The following SLC9B1 variants were observed in gnomAD, a reference collection of about 807,000 sequenced individuals.
SLC9B1 encodes the protein sodium/hydrogen exchanger 9B1.
SLC9B1 carries 32 observed loss-of-function variants against 51.7 expected under a neutral mutation model. The observed-to-expected ratio is 0.62, with a 90% CI of 0.47 to 0.83. SLC9B1 has a LOEUF of 0.83. SLC9B1 is among the 40% of genes least tolerant of loss of function. SLC9B1 has a pLI of 0.00. For synonymous variants in SLC9B1, 145 were observed against 212.7 expected (o/e 0.68, Z 2.77); for missense variants, 406 against 613.2 (o/e 0.66, Z 3.57).
At chr4:103,019,468 G>T in intron 1 of SLC9B1, 131 bp downstream of exon 1, 1 of 517,002 alleles carries the variant, frequency 1.9e-6, no homozygotes, top group Non-Finnish European at 2.5e-6. Context: ...TGGGAGAAGA[G>T]CCCAAGAATC....
At chr4:102,885,890 C>G (rs1203152841) in intron 11 of SLC9B1, among the ~76,000 whole-genome samples, 1 of 152,076 alleles carries the variant, frequency 6.6e-6, no homozygotes, top group Admixed American at 6.5e-5. Flanking sequence ...ATGTAAACTG[C>G]TTTAATAATA....
At chr4:102,938,210 G>GGTAA (rs1412851277) in intron 6 of SLC9B1, among the ~76,000 whole-genome samples, 1 of 152,122 alleles carries the variant, frequency 6.6e-6, no homozygotes, top group Non-Finnish European at 1.5e-5. Context: ...AACAAAAAAG[G>GGTAA]GTAAGCATTG....
Position 102,985,991 on chromosome 4 carries a change from ATTG to A in SLC9B1, c.211+3806_211+3808del, listed in dbSNP as rs1350297820. ...TTATTGCTATTATTAATTTGAACAA[ATTG>A]TTATCTATTAGATAAATTAAGAATT... On this transcript the variant is annotated intron_variant, in intron 3 of 11. Coordinates refer to ENST00000296422, the MANE Select transcript of SLC9B1 (RefSeq NM_139173.4). 4.4e-4 allele frequency among the ~76,000 whole-genome samples: 67 copies of A among 152,158 alleles called. 1 individual carries two copies. The highest frequency in any genetic ancestry group is 4.4e-3 in the Admixed American group (67 of 15,268).
At chr4:102,931,292 GA>G (rs922777178) in intron 7 of SLC9B1, among the ~76,000 whole-genome samples, 148 of 151,522 alleles carry the variant, frequency 9.8e-4, no homozygotes, top group Non-Finnish European at 1.0e-3. Context: ...GACAGAGAGA[GA>G]GGGGGAAGGG....
At chr4:102,920,910 G>A (rs1421442508) in intron 7 of SLC9B1, among the ~76,000 whole-genome samples, 1 of 152,236 alleles carries the variant, frequency 6.6e-6, no homozygotes. Context: ...ATGGGACTAT[G>A]TGAAAAGACC....
intron 3 of SLC9B1, among the ~76,000 whole-genome samples, chr4:102,985,253 CA>C (rs1481795316): frequency 6.6e-6 from 1 of 152,162 alleles, no homozygotes; most frequent in Admixed American, 6.6e-5. Flanking sequence ...CCCACTCTAG[CA>C]ATCTCTGTAT....
chr4:103,006,564 T>C (rs940782326), intron 1 of SLC9B1, among the ~76,000 whole-genome samples: 5 of 152,098 alleles, frequency 3.3e-5, no homozygotes, highest in African/African-American at 9.7e-5. Flanking sequence ...CTGCCAGATA[T>C]ATAACGAAGA....
chr4:102,905,108 C>T (rs1445477228), intron 11 of SLC9B1, among the ~76,000 whole-genome samples: 1 of 152,026 alleles, frequency 6.6e-6, no homozygotes, highest in Non-Finnish European at 1.5e-5. Flanking sequence ...GAGCTGTGAT[C>T]ATGCGACTGC....
At chr4:102,975,295 C>G (rs957234727) in intron 3 of SLC9B1, among the ~76,000 whole-genome samples, 5 of 152,024 alleles carry the variant, frequency 3.3e-5, no homozygotes, top group African/African-American at 1.2e-4. Flanking sequence ...AGGCATCAGC[C>G]ACGGCACCTG....
At chr4:102,974,246 A>AAAAAT in intron 3 of SLC9B1, among the ~76,000 whole-genome samples, 7 of 139,270 alleles carry the variant, frequency 5.0e-5, no homozygotes, top group Non-Finnish European at 7.5e-5. Flanking sequence ...AAAATTGAAA[A>AAAAAT]AAAAAAAAAA....
intron 6 of SLC9B1, among the ~76,000 whole-genome samples, chr4:102,944,021 C>T (rs1442145216): frequency 1.3e-5 from 2 of 152,090 alleles, no homozygotes; most frequent in Non-Finnish European, 2.9e-5. Context: ...AAATGTGGCA[C>T]ATATACACCA....
At chr4:102,930,570 A>G (rs1298749171) in intron 7 of SLC9B1, among the ~76,000 whole-genome samples, 1 of 152,016 alleles carries the variant, frequency 6.6e-6, no homozygotes, top group Non-Finnish European at 1.5e-5. Flanking sequence ...ATGCCTGGCT[A>G]AGTTTTGTAT....
intron 1 of SLC9B1, among the ~76,000 whole-genome samples, chr4:103,004,814 G>T (rs1006837292): frequency 2.0e-5 from 3 of 152,122 alleles, no homozygotes; most frequent in Admixed American, 6.5e-5. Context: ...TTTCAACCAA[G>T]AATTTCTTAT....
In SLC9B1 at chr4:102,989,849, T is replaced by G. The variant is rs1004020744; in HGVS notation, c.162A>C (p.Thr54=). The G allele has an allele frequency of 5.0e-6, 8 of 1,602,574 alleles. No individual in the cohort carries two copies. In the African/African-American group the frequency reaches 9.4e-5, roughly 19 times the overall value. ...CTCCTCTTAGAGGACAAGAAATGTA[T>G]GTCTCCTTTTTTGTCTGTGGTTTTA... ...EEIKPQTKKE[T]YISCPLRGVL... Residue 54 remains threonine (T), a synonymous_variant, in exon 3 of 12, where the codon ACA becomes ACC. Coordinates refer to ENST00000296422, the MANE Select transcript of SLC9B1 (RefSeq NM_139173.4).
Position 102,910,453 on chromosome 4 carries a change from A to G in SLC9B1, c.1072T>C (p.Trp358Arg), listed in dbSNP as rs1578338333. Residue 358 changes from tryptophan (W) to arginine (R), a missense_variant, in exon 9 of 12, where the codon TGG (tryptophan) becomes CGG (arginine). Coordinates refer to ENST00000296422, the MANE Select transcript of SLC9B1 (RefSeq NM_139173.4). ...LVLSFIAGTK[W>R]SQEKMKVQKI... ...AAAATATTCACCTTTTCTTGGGACC[A>G]TTTTGTCCCTGCAATGAAACTCAAC... 1.1e-5 allele frequency: 17 copies of G among 1,550,132 alleles called. No individual in the cohort carries two copies. Among genetic ancestry groups the G allele is most frequent in the Non-Finnish European group, 1.5e-5 (17 of 1,157,186 alleles).
chr4:103,014,110 AG>A (rs899454953), intron 1 of SLC9B1, among the ~76,000 whole-genome samples: 1 of 152,228 alleles, frequency 6.6e-6, no homozygotes, highest in Admixed American at 6.5e-5. Flanking sequence ...CCTTTGAATA[AG>A]GCTCTAACCT....
rs781780393 is a variant in SLC9B1, at chr4:102,932,164, G to A, written c.789C>T (p.Ile263=). 6.2e-6 allele frequency: 10 copies of A among 1,611,936 alleles called. No individual in the cohort carries two copies. The highest frequency in any genetic ancestry group is 8.5e-6 in the Non-Finnish European group (10 of 1,179,796). Residue 263 remains isoleucine, a synonymous_variant, in exon 7 of 12, where the codon ATC becomes ATT. Coordinates refer to ENST00000296422, the MANE Select transcript of SLC9B1 (RefSeq NM_139173.4). ...TGCTCAAGCATGTATTGAATCCAGTGATAGCCAGAATGTCATCCATACTGC... is the reference window on the plus strand; with the variant it reads ...TGCTCAAGCATGTATTGAATCCAGTAATAGCCAGAATGTCATCCATACTGC... ...AASSMDDILA[I]TGFNTCLSIV...
intron 11 of SLC9B1, among the ~76,000 whole-genome samples, chr4:102,893,976 G>T (rs913208761): frequency 1.3e-5 from 2 of 152,016 alleles, no homozygotes; most frequent in African/African-American, 4.8e-5. Flanking sequence ...TAAAAACCCA[G>T]CACTGTTATC....
At chr4:102,980,003 C>T (rs1038108029) in intron 3 of SLC9B1, among the ~76,000 whole-genome samples, 2 of 152,142 alleles carry the variant, frequency 1.3e-5, no homozygotes, top group Middle Eastern at 3.2e-3. Flanking sequence ...AAAAGCTCAA[C>T]CTCACTGATC....
Sources: gnomAD v4.1 joint callset for allele counts (sites outside exome capture counted in the v4.1 genomes callset) on GRCh38, gnomAD v4.1.1 for gene constraint, MANE v1.5 for transcripts, NCBI Gene and HGNC (gene_info 2026-07-23, HGNC 2026-07-21) for gene names.